BCAS3: variants seen among roughly 807,000 people sequenced by gnomAD.
BCAS3 encodes the protein BCAS4/BCAS3 fusion.
Under a neutral mutation model 116.1 loss-of-function variants are expected in BCAS3, and 53 were observed. The ratio of observed to expected loss-of-function variants is 0.46; its 90% confidence interval spans 0.37 to 0.57. BCAS3 has a LOEUF of 0.57. BCAS3 is among the 20% of genes least tolerant of loss of function. The probability of loss-of-function intolerance (pLI) is 0.00; values close to 1 mark genes in which losing one functional copy is unlikely to be tolerated. For missense variants in BCAS3, 917 were observed against 1,165.4 expected (o/e 0.79, Z 3.10); for synonymous variants, 391 against 408.2 (o/e 0.96, Z 0.51).
At chr17:61,314,534 T>C (rs1296413489) in intron 22 of BCAS3, among the ~76,000 whole-genome samples, 1 of 152,210 alleles carries the variant, frequency 6.6e-6, no homozygotes, top group African/African-American at 2.4e-5. Flanking sequence ...AGTTCCTGGC[T>C]TCCTCTTGCC....
Position 60,956,191 on chromosome 17 carries a change from C to G in BCAS3, c.1221+8839C>G, listed in dbSNP as rs965819187. On this transcript the variant is annotated intron_variant, in intron 14 of 23. Coordinates refer to ENST00000407086, the MANE Select transcript of BCAS3 (RefSeq NM_017679.5). This position sits in a 1 kb window ranked among gnomAD's most constrained non-coding sequence, Gnocchi z 4.2. ...TACTTATTATAGTGCACAAAATGTC[C>G]CACATTTGGCCAGTGGGAGCCCAAT... 6.6e-6 allele frequency among the ~76,000 whole-genome samples: 1 copy of G among 152,074 alleles called. No individual in the cohort carries two copies. Among genetic ancestry groups the G allele is most frequent in the Admixed American group, 6.6e-5 (1 of 15,266 alleles).
At chr17:61,040,955 T>A in intron 19 of BCAS3, 63 bp downstream of exon 19, 1 of 1,415,764 alleles carries the variant, frequency 7.1e-7, no homozygotes, top group Non-Finnish European at 1.0e-6. Flanking sequence ...CTTAAAATGC[T>A]AGCTTTGAAA....
chr17:61,255,107 T>C (rs1476834809), intron 22 of BCAS3, among the ~76,000 whole-genome samples: 2 of 152,198 alleles, frequency 1.3e-5, no homozygotes, highest in Non-Finnish European at 2.9e-5. Context: ...GCTGTAATTG[T>C]CACAGGGAGA....
chr17:60,933,544 G>T (rs573494367), intron 13 of BCAS3, among the ~76,000 whole-genome samples: 30 of 152,268 alleles, frequency 2.0e-4, no homozygotes, highest in African/African-American at 7.2e-4. Context: ...ATGCTTGGCT[G>T]CATCTTTAGC....
intron 22 of BCAS3, chr17:61,353,529 C>T (rs1366593822): frequency 1.3e-5 from 2 of 152,310 alleles, no homozygotes; most frequent in African/African-American, 4.8e-5. Flanking sequence ...ACTTCCCTGC[C>T]CTGATTTCCT....
rs1282390615 is a variant in BCAS3 at position 61,259,152 on chromosome 17, T to C, written c.2426-109175T>C. Among the ~76,000 whole-genome samples the C allele has an allele frequency of 1.3e-5, 2 of 152,256 alleles. No individual in the cohort carries two copies. Among genetic ancestry groups the C allele is most frequent in the African/African-American group, 4.8e-5 (2 of 41,472 alleles). On this transcript the variant is annotated intron_variant, in intron 22 of 23. Coordinates refer to ENST00000407086, the MANE Select transcript of BCAS3 (RefSeq NM_017679.5). This position sits in a 1 kb window ranked among gnomAD's most constrained non-coding sequence, Gnocchi z 4.7. ...AGGAGGCAGAAGAGTGGGAATTGTT[T>C]AGCATAGTACCTGGTACTTGGTAGC... is the stretch of plus-strand genomic sequence containing the variant.
intron 7 of BCAS3, among the ~76,000 whole-genome samples, chr17:60,812,513 A>G (rs920303533): frequency 2.6e-5 from 4 of 152,138 alleles, no homozygotes; most frequent in African/African-American, 9.7e-5. Context: ...AGGAGATGTG[A>G]TAGTTTTGTA....
chr17:60,973,709 C>G (rs1159604712), intron 14 of BCAS3, among the ~76,000 whole-genome samples: 6 of 151,710 alleles, frequency 4.0e-5, no homozygotes, highest in African/African-American at 1.5e-4. Flanking sequence ...TCTCCTGCCT[C>G]AGCCTCCTGA....
At chr17:61,001,758 T>C (rs906259653) in intron 15 of BCAS3, among the ~76,000 whole-genome samples, 29 of 152,308 alleles carry the variant, frequency 1.9e-4, no homozygotes, top group African/African-American at 6.0e-4. Context: ...TCATTTGTTA[T>C]TTTCAGATTT....
rs1182174022 is a variant in BCAS3 at position 61,097,722 on chromosome 17, A to T, written c.2425+13158A>T. Reference sequence around the variant, plus strand: ...TAGGTCTTGCCACATGTCTCATCTCATTTAATCTTCTTTAATTAGGATCAA... The same window carrying T: ...TAGGTCTTGCCACATGTCTCATCTCTTTTAATCTTCTTTAATTAGGATCAA... On this transcript the variant is annotated intron_variant, in intron 22 of 23. Transcript: ENST00000407086. The surrounding 1 kb of genome is among the most constrained non-coding windows in gnomAD (Gnocchi z 4.0). Among the ~76,000 whole-genome samples, 1 of 152,206 alleles carries T rather than the reference A, an allele frequency of 6.6e-6. No individual in the cohort carries two copies. Among genetic ancestry groups the T allele is most frequent in the African/African-American group, 2.4e-5 (1 of 41,446 alleles).
intron 22 of BCAS3, among the ~76,000 whole-genome samples, chr17:61,301,440 G>A (rs1447321438): frequency 6.6e-6 from 1 of 151,948 alleles, no homozygotes; most frequent in Non-Finnish European, 1.5e-5. Flanking sequence ...GAGACCAGCC[G>A]GGCCAACATA....
chr17:61,047,252 G>T (rs1413394020), intron 19 of BCAS3, among the ~76,000 whole-genome samples: 1 of 151,858 alleles, frequency 6.6e-6, no homozygotes, highest in South Asian at 2.1e-4. Context: ...TTGGTGTATT[G>T]TAAATTAGAT....
At chr17:61,185,836 C>G (rs1326934960) in intron 22 of BCAS3, among the ~76,000 whole-genome samples, 1 of 152,168 alleles carries the variant, frequency 6.6e-6, no homozygotes, top group Non-Finnish European at 1.5e-5. Flanking sequence ...AATGTTATCT[C>G]TGAGAATTGT....
intron 12 of BCAS3, among the ~76,000 whole-genome samples, chr17:60,918,737 C>T (rs1435483641): frequency 3.4e-5 from 5 of 147,854 alleles, no homozygotes; most frequent in African/African-American, 5.0e-5. Flanking sequence ...CTGTCACCCA[C>T]GCTGGAGTGC....
At chr17:61,297,834 A>G (rs2053070967) in intron 22 of BCAS3, among the ~76,000 whole-genome samples, 1 of 152,246 alleles carries the variant, frequency 6.6e-6, no homozygotes, top group Non-Finnish European at 1.5e-5. Flanking sequence ...TGTTGGTAGC[A>G]CATTCTACTT....
rs979854133 is a variant in BCAS3, at chr17:61,244,059, T to C, written c.2426-124268T>C. Among the ~76,000 whole-genome samples the C allele has an allele frequency of 6.6e-6, 1 of 152,160 alleles. No homozygotes were observed. Among genetic ancestry groups the C allele is most frequent in the African/African-American group, 2.4e-5 (1 of 41,440 alleles). On this transcript the variant is annotated intron_variant, in intron 22 of 23. Coordinates refer to ENST00000407086, the MANE Select transcript of BCAS3 (RefSeq NM_017679.5). The surrounding 1 kb of genome is among the most constrained non-coding windows in gnomAD (Gnocchi z 4.9). Reference sequence around the variant, plus strand: ...TCCCTGTCTCAGCCTCCCAAAGGGATGAGTTTTAATATGCTAATTACTTCA... The same window carrying C: ...TCCCTGTCTCAGCCTCCCAAAGGGACGAGTTTTAATATGCTAATTACTTCA...
chr17:61,254,254 C>T (rs2048593084), intron 22 of BCAS3, among the ~76,000 whole-genome samples: 2 of 152,194 alleles, frequency 1.3e-5, no homozygotes, highest in African/African-American at 4.8e-5. Context: ...AGCAGTGTCC[C>T]TTCAGGCCTC....
chr17:60,948,389 G>T (rs9911640), intron 14 of BCAS3, among the ~76,000 whole-genome samples: 4,262 of 152,216 alleles, frequency 0.028, 217 homozygotes, highest in African/African-American at 0.098. Context: ...CTCCCAAAGT[G>T]CTGGGATTAT....
At chr17:60,737,808 T>C (rs112183059) in intron 5 of BCAS3, among the ~76,000 whole-genome samples, 5,138 of 152,064 alleles carry the variant, frequency 0.034, 238 homozygotes, top group African/African-American at 0.1. Context: ...TTTTTTGAGA[T>C]GGAGTCTCAC....
Sources: allele counts gnomAD v4.1 joint callset (sites outside exome capture counted in the v4.1 genomes callset), GRCh38; gene constraint gnomAD v4.1.1; non-coding constraint Gnocchi (gnomAD v3.1); transcripts MANE v1.5; gene names NCBI Gene and HGNC (gene_info 2026-07-23, HGNC 2026-07-21).